TNRC6B: variants seen among roughly 807,000 people sequenced by gnomAD.
TNRC6B encodes trinucleotide repeat-containing gene 6B protein.
TNRC6B carries 52 observed loss-of-function variants against 203.6 expected under a neutral mutation model. That is an observed-to-expected ratio of 0.26 (90% CI 0.20 to 0.32). The LOEUF is 0.32. Among genes scored for constraint, TNRC6B ranks in the 10% least tolerant of loss-of-function variants. The probability of loss-of-function intolerance (pLI) is 1.00; values close to 1 mark genes in which losing one functional copy is unlikely to be tolerated. For synonymous variants in TNRC6B, 838 were observed against 845.7 expected (o/e 0.99, Z 0.16); for missense variants, 1,923 against 2,286.2 (o/e 0.84, Z 3.24).
At chr22:40,282,017 AC>A (rs143192891) in intron 11 of TNRC6B, among the ~76,000 whole-genome samples, 4,352 of 152,278 alleles carry the variant, frequency 0.029, 196 homozygotes, top group African/African-American at 0.1. Flanking sequence ...TGTGGAGAAA[AC>A]CAGGACTTTG....
At chr22:40,285,575 A>G in intron 11 of TNRC6B, 70 bp from the exon 12 acceptor site, 1 of 1,554,082 alleles carries the variant, frequency 6.4e-7, no homozygotes, top group Non-Finnish European at 8.7e-7. Flanking sequence ...GATCTAAAAG[A>G]CCAGAACTGT....
At chr22:40,125,032 C>A (rs1179003521) in intron 2 of TNRC6B, among the ~76,000 whole-genome samples, 1 of 151,922 alleles carries the variant, frequency 6.6e-6, no homozygotes, top group Non-Finnish European at 1.5e-5. Flanking sequence ...AAAAATATTC[C>A]TCAATAATTA....
chr22:40,303,385 T>C (rs1393380195), intron 15 of TNRC6B, among the ~76,000 whole-genome samples: 1 of 152,122 alleles, frequency 6.6e-6, no homozygotes, highest in Non-Finnish European at 1.5e-5. Flanking sequence ...TATATACGTA[T>C]TTACTGAAGA....
intron 2 of TNRC6B, among the ~76,000 whole-genome samples, chr22:40,247,301 G>A (rs957402066): frequency 3.3e-5 from 5 of 152,136 alleles, no homozygotes; most frequent in African/African-American, 1.2e-4. Context: ...CTAAGTTTAG[G>A]GAGAAAGAAA....
intron 21 of TNRC6B, among the ~76,000 whole-genome samples, chr22:40,316,600 G>T (rs2071262741): frequency 6.6e-6 from 1 of 152,142 alleles, no homozygotes; most frequent in Admixed American, 6.5e-5. Context: ...TGCACTCCAG[G>T]TTGGGCAATA....
chr22:40,275,354 A>G (rs2070624646), intron 7 of TNRC6B, among the ~76,000 whole-genome samples: 1 of 152,230 alleles, frequency 6.6e-6, no homozygotes, highest in Non-Finnish European at 1.5e-5. Flanking sequence ...ATACCTCTCT[A>G]GGTTGACAAC....
At chr22:40,164,778 AG>A (rs1234853425) in intron 4 of TNRC6B, among the ~76,000 whole-genome samples, 4 of 23,692 alleles carry the variant, frequency 1.7e-4, no homozygotes, top group Non-Finnish European at 2.9e-4. Context: ...AAAAAAAAAA[AG>A]TTTTTTTTTT....
At chr22:40,167,137 A>G (rs766694602) in intron 4 of TNRC6B, among the ~76,000 whole-genome samples, 107 of 152,174 alleles carry the variant, frequency 7.0e-4, no homozygotes, top group Admixed American at 2.7e-3. Context: ...CTCTTTGTAC[A>G]TTGATGGTTA....
At chr22:40,218,465 T>C (rs1340798212) in intron 1 of TNRC6B, among the ~76,000 whole-genome samples, 1 of 150,934 alleles carries the variant, frequency 6.6e-6, no homozygotes, top group East Asian at 2.0e-4. Context: ...TAGCTGGGAG[T>C]AAAGGCATGC....
At chr22:40,135,580 A>G (rs2068592886) in intron 3 of TNRC6B, among the ~76,000 whole-genome samples, 1 of 152,070 alleles carries the variant, frequency 6.6e-6, no homozygotes, top group Non-Finnish European at 1.5e-5. Context: ...GGCTTGCTGA[A>G]ACCTTGAATT....
chr22:40,269,207 C>T lies in TNRC6B; in HGVS notation c.2807-915C>T, dbSNP rs149888557. ...GGAGTGCAGTGGCGCAATCTTGGCT[C>T]ACTGCAACCTCCACCTCCCGGGTTC... On this transcript the variant is annotated intron_variant, in intron 5 of 22. Transcript: ENST00000454349. 2.9e-3 allele frequency among the ~76,000 whole-genome samples: 388 copies of T among 134,214 alleles called. 1 individual carries two copies. The highest frequency in any genetic ancestry group is 0.011 in the African/African-American group (378 of 35,898). 88.0% of individuals were successfully genotyped at this position (134,214 alleles called of 152,430 possible).
chr22:40,169,429 C>A (rs1163464215), intron 4 of TNRC6B, among the ~76,000 whole-genome samples: 1 of 152,068 alleles, frequency 6.6e-6, no homozygotes, highest in Non-Finnish European at 1.5e-5. Context: ...CACACCTGGT[C>A]TGGAGTCCTA....
At chr22:40,179,169 A>G (rs905848267) in intron 1 of TNRC6B, among the ~76,000 whole-genome samples, 1 of 152,136 alleles carries the variant, frequency 6.6e-6, no homozygotes, top group Non-Finnish European at 1.5e-5. Context: ...GTTAAATTCC[A>G]TTACTCCTAA....
chr22:40,127,807 G>T (rs553259499), intron 3 of TNRC6B, among the ~76,000 whole-genome samples: 1 of 152,202 alleles, frequency 6.6e-6, no homozygotes, highest in African/African-American at 2.4e-5. Flanking sequence ...GGCTGTTGAC[G>T]CTGCAGTGAG....
At chr22:40,220,706 C>CAGTG (rs1287318924) in intron 1 of TNRC6B, among the ~76,000 whole-genome samples, 11 of 152,160 alleles carry the variant, frequency 7.2e-5, no homozygotes, top group Non-Finnish European at 1.6e-4. Context: ...GCACGTAAAA[C>CAGTG]AGTGGAAAGC....
At chr22:40,138,013 G>A (rs1176297870) in intron 3 of TNRC6B, among the ~76,000 whole-genome samples, 2 of 151,680 alleles carry the variant, frequency 1.3e-5, no homozygotes, top group African/African-American at 2.4e-5. Context: ...TGACCTGGCA[G>A]GAGTGTGGAG....
chr22:40,234,131 A>T (rs2069916903), intron 1 of TNRC6B, among the ~76,000 whole-genome samples: 2 of 152,158 alleles, frequency 1.3e-5, no homozygotes, highest in Admixed American at 6.6e-5. Flanking sequence ...ACAAAAAATT[A>T]AAAAATTAGC....
chr22:40,090,399 T>C (rs930974204), intron 1 of TNRC6B, among the ~76,000 whole-genome samples: 5 of 128,350 alleles, frequency 3.9e-5, no homozygotes, highest in Non-Finnish European at 7.8e-5. Flanking sequence ...TGGCATCTCA[T>C]TGTTTTTTTT....
chr22:40,110,418 C>G (rs2068322357), intron 1 of TNRC6B, among the ~76,000 whole-genome samples: 1 of 152,212 alleles, frequency 6.6e-6, no homozygotes, highest in South Asian at 2.1e-4. Flanking sequence ...TCTGCTGTTT[C>G]AGTAGCTGCC....
Sources: gnomAD v4.1 joint callset for allele counts (sites outside exome capture counted in the v4.1 genomes callset) on GRCh38, gnomAD v4.1.1 for gene constraint, MANE v1.5 for transcripts, NCBI Gene and HGNC (gene_info 2026-07-23, HGNC 2026-07-21) for gene names.